The following EML4 variants were observed in gnomAD, a reference collection of about 807,000 sequenced individuals.
The protein encoded by EML4 is EMAP like 4.
In EML4, 72 loss-of-function variants were observed where a neutral mutation model predicts 129.0. That is an observed-to-expected ratio of 0.56 (90% CI 0.46 to 0.68). The LOEUF (loss-of-function observed/expected upper bound fraction) is 0.68. Ranked by LOEUF, EML4 falls within the 30% of genes least tolerant of loss-of-function variation. The pLI is 0.00. For missense variants in EML4, 1,363 were observed against 1,190.6 expected, an observed-to-expected ratio of 1.14 and a Z score of -2.13; for synonymous variants, 532 against 405.0, an observed-to-expected ratio of 1.31 and a Z score of -3.77.
intron 17 of EML4, among the ~76,000 whole-genome samples, chr2:42,307,233 T>A (rs2103746366): frequency 6.6e-6 from 1 of 152,360 alleles, no homozygotes; most frequent in Middle Eastern, 3.4e-3. Context: ...TTCCAGCATT[T>A]ACATAGCTGT....
intron 6 of EML4, among the ~76,000 whole-genome samples, chr2:42,271,468 G>A (rs1414109187): frequency 2.0e-5 from 3 of 152,060 alleles, no homozygotes. Flanking sequence ...GTGGTTAGTA[G>A]CAGTCTTCCA....
chr2:42,173,645 T>G (rs1222896251), intron 1 of EML4, among the ~76,000 whole-genome samples: 1 of 152,116 alleles, frequency 6.6e-6, no homozygotes, highest in Non-Finnish European at 1.5e-5. Context: ...GCCCAGTAGT[T>G]TGAGACCAGC....
At chr2:42,181,216 C>T (rs564308156) in intron 1 of EML4, among the ~76,000 whole-genome samples, 1 of 152,272 alleles carries the variant, frequency 6.6e-6, no homozygotes, top group South Asian at 2.1e-4. Flanking sequence ...TGCTTTGAAA[C>T]TATGTAAATA....
At chr2:42,286,150 G>GT (rs745367018) in intron 9 of EML4, 119 bp from the exon 10 acceptor site, 5 of 721,102 alleles carry the variant, frequency 6.9e-6, no homozygotes, top group Non-Finnish European at 1.3e-5. Context: ...TCTAAATCTA[G>GT]TAATTTATTA....
At chr2:42,277,935 C>G (rs1181183691) in intron 6 of EML4, among the ~76,000 whole-genome samples, 1 of 152,154 alleles carries the variant, frequency 6.6e-6, no homozygotes, top group Non-Finnish European at 1.5e-5. Context: ...TCTTTCCTTC[C>G]TCTTCATGGT....
chr2:42,261,808 A>T (rs1039683193), intron 4 of EML4, among the ~76,000 whole-genome samples: 14 of 151,996 alleles, frequency 9.2e-5, no homozygotes, highest in African/African-American at 3.4e-4. Flanking sequence ...AAATGAATCC[A>T]TTTCACCTGG....
At chr2:42,313,861 G>A (rs1669093508) in intron 17 of EML4, among the ~76,000 whole-genome samples, 1 of 151,888 alleles carries the variant, frequency 6.6e-6, no homozygotes, top group African/African-American at 2.4e-5. Context: ...CCCGGAGGCG[G>A]AGGTTGCAGT....
At chr2:42,194,811 G>T (rs1364604854) in intron 1 of EML4, among the ~76,000 whole-genome samples, 1 of 151,992 alleles carries the variant, frequency 6.6e-6, no homozygotes, top group Admixed American at 6.6e-5. Context: ...GCTTGGCCAG[G>T]ATCTTTAATC....
At chr2:42,173,302 G>A (rs1288906738) in intron 1 of EML4, among the ~76,000 whole-genome samples, 3 of 149,308 alleles carry the variant, frequency 2.0e-5, no homozygotes, top group Admixed American at 1.3e-4. Flanking sequence ...ATTTGGAGAG[G>A]TTTTTTTTTT....
chr2:42,315,405 C>CA (rs1399228159), intron 17 of EML4, among the ~76,000 whole-genome samples: 2 of 152,224 alleles, frequency 1.3e-5, no homozygotes, highest in Middle Eastern at 3.4e-3. Flanking sequence ...CAGTGCCTAG[C>CA]AAAGAGACAG....
intron 1 of EML4, among the ~76,000 whole-genome samples, chr2:42,225,215 C>T (rs1483051111): frequency 2.0e-5 from 3 of 152,044 alleles, no homozygotes; most frequent in Non-Finnish European, 4.4e-5. Flanking sequence ...CTGCTATGAA[C>T]ATTGGTGTAT....
At position 42,226,894 on chromosome 2, in the gene EML4, A is replaced by C. The variant is rs367765516; in HGVS notation, c.26-18611A>C. On this transcript the variant is annotated intron_variant, in intron 1 of 22. Transcript: ENST00000318522. ...ATTAAAAAGTAAATTTAAAAATGTG[A>C]AATGAGATTAAAAAATAAAAGAACT... Among the ~76,000 whole-genome samples, 8 of 152,264 alleles carry C rather than the reference A, an allele frequency of 5.3e-5. No homozygotes were observed. The East Asian group carries it at 1.5e-3, about 29-fold the overall frequency.
chr2:42,266,707 G>C (rs1464807095), intron 6 of EML4, among the ~76,000 whole-genome samples: 1 of 151,898 alleles, frequency 6.6e-6, no homozygotes, highest in African/African-American at 2.4e-5. Flanking sequence ...GCAGTGAATG[G>C]GGAATAACTG....
intron 1 of EML4, among the ~76,000 whole-genome samples, chr2:42,189,246 GATTTATAA>G (rs1297233041): frequency 1.3e-5 from 2 of 152,168 alleles, no homozygotes; most frequent in African/African-American, 4.8e-5. Flanking sequence ...TGAAGTGCCT[GATTTATAA>G]GAGAGTCTTG....
chr2:42,284,911 G>A lies in EML4; in HGVS notation c.1011+208G>A, dbSNP rs72798519. Among the ~76,000 whole-genome samples, 752 of 152,218 alleles carry A rather than the reference G, an allele frequency of 4.9e-3. 4 individuals are homozygous for A. The highest frequency in any genetic ancestry group is 0.027 in the Middle Eastern group (8 of 294). Reference sequence around the variant, plus strand: ...AATAAATTTTGTTTTTAAAAAATAAGTGTTCTCCCTTAAGAAGCTATTTAC... The same window carrying A: ...AATAAATTTTGTTTTTAAAAAATAAATGTTCTCCCTTAAGAAGCTATTTAC... On this transcript the variant is annotated intron_variant, in intron 9 of 22. Coordinates refer to ENST00000318522, the MANE Select transcript of EML4 (RefSeq NM_019063.5).
At chr2:42,174,900 C>G (rs549960073) in intron 1 of EML4, among the ~76,000 whole-genome samples, 2 of 151,714 alleles carry the variant, frequency 1.3e-5, no homozygotes, top group South Asian at 4.2e-4. Flanking sequence ...TCACTGCAGC[C>G]TCCGCCTCCC....
intron 6 of EML4, among the ~76,000 whole-genome samples, chr2:42,269,928 C>T (rs1666274203): frequency 6.6e-6 from 1 of 151,926 alleles, no homozygotes; most frequent in South Asian, 2.1e-4. Flanking sequence ...AAACATGAGA[C>T]CTAGTTAGGG....
intron 1 of EML4, among the ~76,000 whole-genome samples, chr2:42,174,675 G>A (rs1194235177): frequency 1.3e-5 from 2 of 152,138 alleles, no homozygotes; most frequent in Admixed American, 6.5e-5. Flanking sequence ...TTTGCATGCT[G>A]TATATGATTT....
At chr2:42,205,119 GAAATA>G (rs1257519131) in intron 1 of EML4, among the ~76,000 whole-genome samples, 3 of 152,192 alleles carry the variant, frequency 2.0e-5, no homozygotes, top group Admixed American at 6.5e-5. Context: ...AAATTTATTG[GAAATA>G]AAATGAAGGG....
Sources: gnomAD v4.1 joint callset for allele counts (sites outside exome capture counted in the v4.1 genomes callset) on GRCh38, gnomAD v4.1.1 for gene constraint, MANE v1.5 for transcripts, NCBI Gene and HGNC (gene_info 2026-07-23, HGNC 2026-07-21) for gene names.